The following CFAP54 variants were observed in gnomAD, a reference collection of about 807,000 sequenced individuals.
The protein encoded by CFAP54 is cilia- and flagella-associated protein 54.
Under a neutral mutation model 370.4 loss-of-function variants are expected in CFAP54, and 290 were observed. The ratio of observed to expected loss-of-function variants is 0.78; its 90% CI spans 0.71 to 0.86. The LOEUF (loss-of-function observed/expected upper bound fraction) is 0.86. Among genes scored for constraint, CFAP54 ranks in the 40% least tolerant of loss-of-function variants. The pLI, the probability that CFAP54 is intolerant of heterozygous loss-of-function variation, is 0.00. For missense variants in CFAP54, 3,399 were observed against 3,528.7 expected (o/e 0.96, Z 0.93); for synonymous variants, 1,206 against 1,236.5 (o/e 0.98, Z 0.52).
chr12:96,766,415 C>G (rs1958402309), intron 60 of CFAP54, among the ~76,000 whole-genome samples: 1 of 152,064 alleles, frequency 6.6e-6, no homozygotes, highest in Admixed American at 6.6e-5. Flanking sequence ...AGCCATTGAC[C>G]CTACACAGGG....
In CFAP54 at chr12:96,630,555, C is replaced by G; in HGVS notation, c.4220C>G (p.Ala1407Gly). ...KAAVMEIGRS[A>G]EMQQRIRSKK... ...CATTTTATCTCCTCTATTAAGAGTG[C>G]AGAAATGCAACAAAGAATAAGAAGT... Residue 1407 changes from alanine (A) to glycine (G), a missense_variant, in exon 32 of 68, where the codon GCA becomes GGA. Transcript: ENST00000524981. 7.0e-7 allele frequency: 1 copy of G among 1,431,716 alleles called. No individual in the cohort carries two copies. Among genetic ancestry groups the G allele is most frequent in the Non-Finnish European group, 9.3e-7 (1 of 1,080,896 alleles). 88.7% of individuals were successfully genotyped at this position (1,431,716 alleles called of 1,614,324 possible). A position where few individuals can be genotyped will look rare whatever the true frequency, so the allele number is the denominator to read the frequency against.
At chr12:96,532,580 T>TGAGGGA (rs1955451252) in intron 9 of CFAP54, among the ~76,000 whole-genome samples, 4 of 152,164 alleles carry the variant, frequency 2.6e-5, no homozygotes, top group Non-Finnish European at 5.9e-5. Flanking sequence ...TCTTTGTGTC[T>TGAGGGA]TTAAGCCTAA....
chr12:96,737,522 C>T (rs1223162795), intron 50 of CFAP54, among the ~76,000 whole-genome samples: 8 of 147,638 alleles, frequency 5.4e-5, no homozygotes, highest in African/African-American at 2.0e-4. Flanking sequence ...CAGAGTCTTG[C>T]CCTGTCACCC....
At position 96,748,381 on chromosome 12, in the gene CFAP54, A is replaced by G. The variant is rs17025792; in HGVS notation, c.7684+4235A>G. On this transcript the variant is annotated intron_variant, in intron 55 of 67. Coordinates refer to ENST00000524981, the MANE Select transcript of CFAP54 (RefSeq NM_001306084.2). ...AGAAACTCTATTTCTAATTTCTAAT[A>G]TCTAATCCTAGTCATTGTACCACTG... Among the ~76,000 whole-genome samples the G allele has an allele frequency of 9.6e-3, 1,469 of 152,230 alleles. 56 individuals carry two copies. The East Asian group carries it at 0.1, about 11-fold the overall frequency.
chr12:96,708,930 T>C lies in CFAP54; in HGVS notation c.6724+127T>C, dbSNP rs1957577816. On this transcript the variant is annotated intron_variant, in intron 48 of 67. Coordinates refer to ENST00000524981, the MANE Select transcript of CFAP54 (RefSeq NM_001306084.2). Reference sequence around the variant, plus strand: ...CACAGTTTTCTCTATGCTTATATAATGACACACATATGTACTTATGTCTAG... The same window carrying C: ...CACAGTTTTCTCTATGCTTATATAACGACACACATATGTACTTATGTCTAG... The C allele has an allele frequency of 4.5e-5, 31 of 683,510 alleles. No homozygotes were observed. The South Asian group carries it at 5.5e-4, about 12-fold the overall frequency. 42.3% of individuals were successfully genotyped at this position (683,510 alleles called of 1,614,324 possible).
At chr12:96,862,558 C>T (rs898226017) in intron 67 of CFAP54, among the ~76,000 whole-genome samples, 2 of 151,824 alleles carry the variant, frequency 1.3e-5, no homozygotes, top group African/African-American at 4.8e-5. Flanking sequence ...GGCCTGGCCT[C>T]CAGGGCAGAT....
intron 22 of CFAP54, 119 bp downstream of exon 22, chr12:96,581,224 A>G (rs1045908083): frequency 1.0e-4 from 62 of 610,320 alleles, no homozygotes; most frequent in Non-Finnish European, 3.4e-5. Flanking sequence ...TATAACACAT[A>G]TTATCCATTA....
chr12:96,822,006 G>A (rs777071833), intron 65 of CFAP54, among the ~76,000 whole-genome samples: 23 of 152,060 alleles, frequency 1.5e-4, no homozygotes, highest in Non-Finnish European at 3.4e-4. Flanking sequence ...TCCCTTTTAT[G>A]TATATCCCCC....
intron 60 of CFAP54, among the ~76,000 whole-genome samples, chr12:96,767,431 G>T (rs1034465835): frequency 2.0e-5 from 3 of 152,164 alleles, no homozygotes; most frequent in African/African-American, 7.2e-5. Context: ...AAGCTTTCTT[G>T]TTCCGTGTCA....
intron 17 of CFAP54, among the ~76,000 whole-genome samples, chr12:96,562,656 C>T (rs1284985348): frequency 6.6e-6 from 1 of 151,978 alleles, no homozygotes; most frequent in Non-Finnish European, 1.5e-5. Context: ...TCTCGGAACT[C>T]CTGACCTCAA....
chr12:96,535,517 A>T lies in CFAP54; in HGVS notation c.1708A>T (p.Thr570Ser). 6.5e-7 allele frequency: 1 copy of T among 1,532,288 alleles called. No individual in the cohort carries two copies. The highest frequency in any genetic ancestry group is 8.7e-7 in the Non-Finnish European group (1 of 1,143,420). The allele number at this position is 1,532,288 out of a possible 1,614,324, so 94.9% of individuals were successfully genotyped here. Residue 570 changes from threonine (T) to serine (S), a missense_variant and splice_region_variant, in exon 12 of 68, where the codon ACT (threonine) becomes TCT (serine). Physicochemically the swap from Thr to Ser is moderately conservative, Grantham distance 58. Transcript: ENST00000524981. ...TTTCCTCTACTTTATGAACTTAGAT[A>T]CTTGTTTGAAGACTTGTGGATATTC... ...IYLKKIAVHD[T>S]CLKTCGYSED...
intron 2 of CFAP54, among the ~76,000 whole-genome samples, chr12:96,501,723 C>T (rs539663018): frequency 6.6e-6 from 1 of 152,326 alleles, no homozygotes; most frequent in East Asian, 1.9e-4. Flanking sequence ...CATTTTTCCC[C>T]TCTCTGTTTT....
chr12:96,685,043 G>A lies in CFAP54; in HGVS notation c.5819G>A (p.Cys1940Tyr). Residue 1940 changes from cysteine to tyrosine, a missense_variant, in exon 42 of 68, where the codon TGT (cysteine) becomes TAT (tyrosine). Physicochemically the swap from Cys to Tyr is radical, Grantham distance 194. Around this residue, in one of 3 missense-constraint regions of CFAP54, gnomAD observed 2,796 missense variants for 2,869.7 expected, o/e 0.97. Transcript: ENST00000524981. ...FAEKKRAAFK[C>Y]WCQALDDIFR... ...CTCTGTTTTAGGGCTGCTTTTAAGT[G>A]TTGGTGTCAAGCTCTTGATGACATA... 1 of 1,614,018 alleles carries A rather than the reference G, an allele frequency of 6.2e-7. No homozygotes were observed. Among genetic ancestry groups the A allele is most frequent in the Non-Finnish European group, 8.5e-7 (1 of 1,179,974 alleles).
chr12:96,720,885 G>A (rs758058179), intron 50 of CFAP54, among the ~76,000 whole-genome samples: 1 of 152,016 alleles, frequency 6.6e-6, no homozygotes, highest in Non-Finnish European at 1.5e-5. Flanking sequence ...ACCAGGCTTT[G>A]TGGCGGCACA....
chr12:96,512,005 C>T (rs1030456760), intron 4 of CFAP54, among the ~76,000 whole-genome samples: 1 of 152,016 alleles, frequency 6.6e-6, no homozygotes, highest in Non-Finnish European at 1.5e-5. Context: ...TTCAACCCTC[C>T]CTCCAGCCTT....
intron 33 of CFAP54, 62 bp downstream of exon 33, chr12:96,644,470 T>C: frequency 1.7e-6 from 2 of 1,173,640 alleles, no homozygotes; most frequent in Non-Finnish European, 2.4e-6. Context: ...TGTATTTGTA[T>C]GTTCAGAGCT....
chr12:96,634,471 A>G (rs1956643993), intron 32 of CFAP54, among the ~76,000 whole-genome samples: 1 of 151,930 alleles, frequency 6.6e-6, no homozygotes, highest in South Asian at 2.1e-4. Context: ...AATTTTGAGA[A>G]TTCTTTATAT....
chr12:96,802,010 A>G (rs1958824528), intron 63 of CFAP54, among the ~76,000 whole-genome samples: 1 of 152,006 alleles, frequency 6.6e-6, no homozygotes, highest in Admixed American at 6.6e-5. Flanking sequence ...TCTTGCTCAT[A>G]TTGCATGGCT....
At chr12:96,677,605 G>A (rs1343217915) in intron 39 of CFAP54, among the ~76,000 whole-genome samples, 1 of 152,138 alleles carries the variant, frequency 6.6e-6, no homozygotes, top group Non-Finnish European at 1.5e-5. Flanking sequence ...GGAGGGAGAT[G>A]GTGGGGACAG....
Sources: allele counts gnomAD v4.1 joint callset (sites outside exome capture counted in the v4.1 genomes callset), GRCh38; gene constraint gnomAD v4.1.1; regional missense constraint gnomAD v4.1.1; transcripts MANE v1.5; gene names NCBI Gene and HGNC (gene_info 2026-07-23, HGNC 2026-07-21).